The following PARG variants were observed in gnomAD, a reference collection of about 807,000 sequenced individuals.
PARG encodes poly(ADP-ribose) glycohydrolase.
A neutral mutation model predicts 113.0 loss-of-function variants in PARG; 35 were observed. The ratio of observed to expected loss-of-function variants is 0.31; its 90% CI spans 0.24 to 0.41. The LOEUF is 0.41. PARG is among the 10% of genes least tolerant of loss of function. The probability of loss-of-function intolerance (pLI) is 1.00; values close to 1 mark genes in which losing one functional copy is unlikely to be tolerated. For synonymous variants in PARG, 330 were observed against 409.9 expected, an observed-to-expected ratio of 0.81 and a Z score of 2.36; for missense variants, 797 against 1,169.4, an observed-to-expected ratio of 0.68 and a Z score of 4.64.
At chr10:49,886,288 G>A (rs1364444660) in intron 7 of PARG, among the ~76,000 whole-genome samples, 2 of 152,168 alleles carry the variant, frequency 1.3e-5, no homozygotes, top group South Asian at 2.1e-4. Context: ...ACAGACTCTT[G>A]ACAAAAATCA....
At chr10:49,928,934 A>C (rs1210324685) in intron 4 of PARG, among the ~76,000 whole-genome samples, 1 of 152,274 alleles carries the variant, frequency 6.6e-6, no homozygotes, top group Non-Finnish European at 1.5e-5. Flanking sequence ...AGAATCTAGA[A>C]GAAAATACAA....
At chr10:49,929,161 C>T (rs1481414645) in intron 4 of PARG, among the ~76,000 whole-genome samples, 9 of 150,860 alleles carry the variant, frequency 6.0e-5, no homozygotes, top group African/African-American at 2.0e-4. Flanking sequence ...GATATAATGA[C>T]GGTACAGGAT....
chr10:49,878,061 CCT>C (rs1370856746), intron 9 of PARG, among the ~76,000 whole-genome samples: 5 of 152,132 alleles, frequency 3.3e-5, no homozygotes, highest in Non-Finnish European at 7.3e-5. Flanking sequence ...TCATGATCCC[CCT>C]GATACGGTGC....
At position 49,826,835 on chromosome 10, in the gene PARG, G is replaced by A. The variant is rs1011558315; in HGVS notation, c.2647+5968C>T. ...TTCTTCTTGGGTCACTCAACTGCAGGGTTGCAAGACTGGAACTATTTGGTC... is the reference window on the plus strand; with the variant it reads ...TTCTTCTTGGGTCACTCAACTGCAGAGTTGCAAGACTGGAACTATTTGGTC... On this transcript the variant is annotated intron_variant, in intron 16 of 17. Coordinates refer to ENST00000616448, the MANE Select transcript of PARG (RefSeq NM_003631.5). 2.0e-5 allele frequency among the ~76,000 whole-genome samples: 3 copies of A among 152,072 alleles called. No homozygotes were observed. In the South Asian group the frequency reaches 6.2e-4, roughly 31 times the overall value.
At chr10:49,835,502 C>A (rs1279470454) in intron 15 of PARG, among the ~76,000 whole-genome samples, 4 of 151,826 alleles carry the variant, frequency 2.6e-5, no homozygotes, top group Non-Finnish European at 2.9e-5. Flanking sequence ...AGACAGCGAA[C>A]ATAAAGGTAA....
At chr10:49,835,825 T>C (rs918946817) in intron 15 of PARG, among the ~76,000 whole-genome samples, 1 of 152,108 alleles carries the variant, frequency 6.6e-6, no homozygotes, top group Non-Finnish European at 1.5e-5. Context: ...ACGTGCCGCA[T>C]AGTGATGTTG....
intron 11 of PARG, among the ~76,000 whole-genome samples, chr10:49,864,910 T>A: frequency 1.5e-5 from 2 of 134,776 alleles, no homozygotes; most frequent in South Asian, 2.4e-4. Flanking sequence ...TACTAAAATG[T>A]AAATAATAAA....
chr10:49,924,321 A>G (rs1176915557), intron 4 of PARG, among the ~76,000 whole-genome samples: 1 of 152,130 alleles, frequency 6.6e-6, no homozygotes, highest in African/African-American at 2.4e-5. Context: ...ATGTGGTAGT[A>G]TGTATGAGTA....
At chr10:49,891,541 C>T (rs1174788490) in intron 7 of PARG, among the ~76,000 whole-genome samples, 9 of 141,074 alleles carry the variant, frequency 6.4e-5, no homozygotes, top group Non-Finnish European at 1.1e-4. Context: ...AAGTACACCA[C>T]TCCAAAACCT....
rs1839067291 is a variant in PARG, at chr10:49,941,500, C to G, written c.217+9G>C. On this transcript the variant is annotated intron_variant, in intron 1 of 17. Coordinates refer to ENST00000616448, the MANE Select transcript of PARG (RefSeq NM_003631.5). ...GGCGAAGGACAAAGATTTTTATTTT[C>G]CCACGTACCAAGCGAGGTGGCGCTG... 6.5e-7 allele frequency: 1 copy of G among 1,541,608 alleles called. No homozygotes were observed. Among genetic ancestry groups the G allele is most frequent in the Admixed American group, 2.0e-5 (1 of 51,056 alleles).
rs1198027759 is a variant in PARG, at chr10:49,941,580, C to T, written c.146G>A (p.Arg49Lys). The change falls in exon 1 of 18, where the codon AGG becomes AAG. Residue 49 changes from arginine to lysine, a missense_variant. Around this residue, in one of 5 missense-constraint regions of PARG, gnomAD observed 284 missense variants for 306.1 expected, o/e 0.93. Transcript: ENST00000616448. ...LDPKDAHVQF[R>K]VPPSSPACVP... ...GCAGGCTGGCGAGGACGGTGGGACC[C>T]TGAACTGCACGTGAGCGTCCTTGGG... 1 of 1,565,366 alleles carries T rather than the reference C, an allele frequency of 6.4e-7. No homozygotes were observed.
intron 7 of PARG, among the ~76,000 whole-genome samples, chr10:49,893,592 C>A (rs185361239): frequency 5.9e-5 from 9 of 152,206 alleles, no homozygotes; most frequent in Non-Finnish European, 1.2e-4. Context: ...TCACATCTCA[C>A]TGCAGTCTTG....
rs1843945414 is a variant in PARG at position 49,819,257 on chromosome 10, A to C, written c.*83T>G. Reference sequence around the variant, plus strand: ...ATTATGTACACATTTATATTAACTTAAGTCAATTCATATATTACACCTGAC... The same window carrying C: ...ATTATGTACACATTTATATTAACTTCAGTCAATTCATATATTACACCTGAC... On this transcript the variant is annotated 3_prime_UTR_variant, in exon 18 of 18. Coordinates refer to ENST00000616448, the MANE Select transcript of PARG (RefSeq NM_003631.5). The C allele has an allele frequency of 1.8e-6, 2 of 1,095,418 alleles. No homozygotes were observed. The highest frequency in any genetic ancestry group is 2.6e-6 in the Non-Finnish European group (2 of 764,292). The allele number at this position is 1,095,418 out of a possible 1,614,324, so 67.9% of individuals were successfully genotyped here.
intron 7 of PARG, among the ~76,000 whole-genome samples, chr10:49,886,959 G>T (rs1470581637): frequency 6.6e-6 from 1 of 151,912 alleles, no homozygotes; most frequent in African/African-American, 2.4e-5. Flanking sequence ...AAAGATACTG[G>T]CTTCTCTATA....
chr10:49,896,493 C>T (rs1848093972), intron 7 of PARG, among the ~76,000 whole-genome samples: 2 of 152,170 alleles, frequency 1.3e-5, no homozygotes, highest in African/African-American at 4.8e-5. Flanking sequence ...CTATGTTGGC[C>T]AGGCTGGCCT....
At chr10:49,843,916 G>A (rs1221819033) in intron 13 of PARG, among the ~76,000 whole-genome samples, 16 of 151,096 alleles carry the variant, frequency 1.1e-4, no homozygotes, top group Admixed American at 8.5e-4. Flanking sequence ...TCCCAGAGGC[G>A]GGTGGATTAC....
At chr10:49,829,920 C>CT (rs536177766) in intron 16 of PARG, among the ~76,000 whole-genome samples, 22 of 148,150 alleles carry the variant, frequency 1.5e-4, no homozygotes, top group South Asian at 4.3e-4. Flanking sequence ...ACCATAATTT[C>CT]TTTTTTTTTT....
intron 7 of PARG, among the ~76,000 whole-genome samples, chr10:49,898,358 CCTA>C (rs1271978730): frequency 1.3e-5 from 2 of 151,592 alleles, no homozygotes; most frequent in African/African-American, 4.8e-5. Flanking sequence ...ACTGCCAAGT[CCTA>C]TATTGATTGA....
At chr10:49,896,441 C>T (rs1174389007) in intron 7 of PARG, among the ~76,000 whole-genome samples, 1 of 152,158 alleles carries the variant, frequency 6.6e-6, no homozygotes, top group African/African-American at 2.4e-5. Context: ...CATGCTACCA[C>T]ACCCAGCTAA....
Sources: gnomAD v4.1 joint callset for allele counts (sites outside exome capture counted in the v4.1 genomes callset) on GRCh38, gnomAD v4.1.1 for gene constraint, gnomAD v4.1.1 regional missense constraint, MANE v1.5 for transcripts, NCBI Gene and HGNC (gene_info 2026-07-23, HGNC 2026-07-21) for gene names.